The following DTD1 variants were observed in gnomAD, a reference collection of about 807,000 sequenced individuals.
The protein encoded by DTD1 is D-aminoacyl-tRNA deacylase 1, also known as D-tyrosyl-tRNA deacylase 1 homolog.
Under a neutral mutation model 25.6 loss-of-function variants are expected in DTD1, and 13 were observed. That is an observed-to-expected ratio of 0.51 (90% confidence interval 0.33 to 0.81). The LOEUF is 0.81. DTD1 is among the 30% of genes least tolerant of loss of function. The probability of loss-of-function intolerance (pLI) is 0.02; values close to 1 mark genes in which losing one functional copy is unlikely to be tolerated. For missense variants in DTD1, 193 were observed against 266.4 expected, an observed-to-expected ratio of 0.72 and a Z score of 1.92; for synonymous variants, 110 against 103.6, an observed-to-expected ratio of 1.06 and a Z score of -0.37.
chr20:18,709,139 T>C (rs942137067), intron 4 of DTD1, among the ~76,000 whole-genome samples: 3 of 152,206 alleles, frequency 2.0e-5, no homozygotes, highest in African/African-American at 7.2e-5. Flanking sequence ...TCCCAGCCTC[T>C]GTTATAGAAT....
chr20:18,757,278 G>A lies in DTD1; in HGVS notation c.*20-6082G>A, dbSNP rs551401139. On this transcript the variant is annotated intron_variant, in intron 5 of 5. Transcript: ENST00000377452. ...TACCCTTTATTTCCTTCTCTTGCCTGATTGCCCTGGCCAGAACTTTCAACA... is the reference window on the plus strand; with the variant it reads ...TACCCTTTATTTCCTTCTCTTGCCTAATTGCCCTGGCCAGAACTTTCAACA... 1.7e-3 allele frequency among the ~76,000 whole-genome samples: 266 copies of A among 152,258 alleles called. 1 individual carries two copies. The highest frequency in any genetic ancestry group is 0.011 in the South Asian group (52 of 4,830).
intron 4 of DTD1, among the ~76,000 whole-genome samples, chr20:18,726,223 T>A (rs926103099): frequency 2.0e-5 from 3 of 152,230 alleles, no homozygotes; most frequent in Admixed American, 6.5e-5. Context: ...GCATTTATCT[T>A]GATGGTCTGA....
chr20:18,593,608 G>A, intron 1 of DTD1, 123 bp from the exon 2 acceptor site: 1 of 691,050 alleles, frequency 1.4e-6, no homozygotes, highest in East Asian at 2.8e-5. Flanking sequence ...AATACGTACT[G>A]ACTTTAACCA....
At position 18,708,306 on chromosome 20, in the gene DTD1, A is replaced by T. The variant is rs1482155804; in HGVS notation, c.478-35794A>T. Reference sequence around the variant, plus strand: ...TATATTATATATATATAATATATATATTTTATATATATATTATATATATAT... The same window carrying T: ...TATATTATATATATATAATATATATTTTTTATATATATATTATATATATAT... On this transcript the variant is annotated intron_variant, in intron 4 of 5. Transcript: ENST00000377452. 1.0e-3 allele frequency among the ~76,000 whole-genome samples: 49 copies of T among 48,118 alleles called. 4 individuals carry two copies. The highest frequency in any genetic ancestry group is 1.8e-3 in the Non-Finnish European group (45 of 24,786). 31.6% of individuals were successfully genotyped at this position (48,118 alleles called of 152,430 possible). A position where few individuals can be genotyped will look rare whatever the true frequency, so the allele number is the denominator to read the frequency against.
intron 4 of DTD1, among the ~76,000 whole-genome samples, chr20:18,638,710 C>A (rs1794267558): frequency 6.6e-6 from 1 of 152,106 alleles, no homozygotes; most frequent in Admixed American, 6.5e-5. Context: ...TGTTAGTAAG[C>A]CAAAGACCTG....
At chr20:18,633,203 C>T (rs948461305) in intron 4 of DTD1, among the ~76,000 whole-genome samples, 6 of 152,236 alleles carry the variant, frequency 3.9e-5, no homozygotes, top group African/African-American at 1.4e-4. Context: ...GTCCGTGGCC[C>T]TTTCTTGCCT....
intron 4 of DTD1, among the ~76,000 whole-genome samples, chr20:18,700,492 CCTT>C (rs1251145472): frequency 2.3e-5 from 3 of 132,700 alleles, no homozygotes; most frequent in African/African-American, 5.3e-5. Flanking sequence ...ATAGTGGTGA[CCTT>C]TTTTTTTTTT....
At chr20:18,608,029 G>A (rs1427205492) in intron 3 of DTD1, among the ~76,000 whole-genome samples, 1 of 151,970 alleles carries the variant, frequency 6.6e-6, no homozygotes, top group Admixed American at 6.6e-5. Flanking sequence ...ATTTCTTCTT[G>A]TGAGAGTTTT....
intron 4 of DTD1, among the ~76,000 whole-genome samples, chr20:18,712,869 C>T (rs1226604789): frequency 6.6e-6 from 1 of 152,260 alleles, no homozygotes; most frequent in African/African-American, 2.4e-5. Flanking sequence ...CTTTCGTGTA[C>T]AGACTCCCCT....
chr20:18,663,161 G>T (rs2060918077), intron 4 of DTD1, among the ~76,000 whole-genome samples: 1 of 152,054 alleles, frequency 6.6e-6, no homozygotes, highest in Non-Finnish European at 1.5e-5. Context: ...CAAGTTTCAT[G>T]GGATGCCCTA....
intron 3 of DTD1, among the ~76,000 whole-genome samples, chr20:18,611,878 G>T (rs1471930848): frequency 6.6e-6 from 1 of 151,918 alleles, no homozygotes; most frequent in Non-Finnish European, 1.5e-5. Flanking sequence ...TTTTTGAGAC[G>T]GAGTCTTGCT....
intron 3 of DTD1, among the ~76,000 whole-genome samples, chr20:18,598,650 A>C (rs1386716386): frequency 6.7e-6 from 1 of 149,100 alleles, no homozygotes; most frequent in Non-Finnish European, 1.5e-5. Context: ...GACACCAGCC[A>C]CCACACCCGG....
At chr20:18,726,233 A>G (rs2061222002) in intron 4 of DTD1, among the ~76,000 whole-genome samples, 1 of 152,154 alleles carries the variant, frequency 6.6e-6, no homozygotes, top group African/African-American at 2.4e-5. Context: ...TGATGGTCTG[A>G]CCTTCCTAGT....
Position 18,613,588 on chromosome 20 carries a change from C to T in DTD1, c.371-14539C>T, listed in dbSNP as rs951275411. Among the ~76,000 whole-genome samples the T allele has an allele frequency of 2.0e-5, 3 of 152,196 alleles. 1 individual carries two copies. The highest frequency in any genetic ancestry group is 2.0e-4 in the Admixed American group (3 of 15,272). The stretch of plus-strand genomic sequence containing the variant: ...GGCTCTCCTTGTCTGAGAAAACCCA[C>T]CTCTGCTGAGATACAGCCTCTGTGG... On this transcript the variant is annotated intron_variant, in intron 3 of 5. Coordinates refer to ENST00000377452, the MANE Select transcript of DTD1 (RefSeq NM_080820.6).
At chr20:18,753,200 C>G (rs1460303627) in intron 5 of DTD1, among the ~76,000 whole-genome samples, 1 of 152,200 alleles carries the variant, frequency 6.6e-6, no homozygotes, top group African/African-American at 2.4e-5. Flanking sequence ...TCACTAGCTA[C>G]ATACAGCTAG....
chr20:18,600,684 A>G (rs931849814), intron 3 of DTD1, among the ~76,000 whole-genome samples: 1 of 152,192 alleles, frequency 6.6e-6, no homozygotes, highest in African/African-American at 2.4e-5. Context: ...CTGTAGATGA[A>G]GTTGGGAAGA....
At chr20:18,609,459 T>TA (rs2060678022) in intron 3 of DTD1, among the ~76,000 whole-genome samples, 1 of 152,158 alleles carries the variant, frequency 6.6e-6, no homozygotes, top group Non-Finnish European at 1.5e-5. Flanking sequence ...TCCTAATTGT[T>TA]AACTCTTTAG....
chr20:18,746,456 G>T (rs185006357), intron 5 of DTD1, among the ~76,000 whole-genome samples: 2 of 152,232 alleles, frequency 1.3e-5, no homozygotes, highest in Admixed American at 1.3e-4. Flanking sequence ...CTAGCACTTT[G>T]GGAGGTTGAA....
chr20:18,736,522 G>C (rs1415500366), intron 4 of DTD1, among the ~76,000 whole-genome samples: 1 of 152,256 alleles, frequency 6.6e-6, no homozygotes, highest in Admixed American at 6.5e-5. Flanking sequence ...GATGCTATGT[G>C]TGTGAAGGAA....
Sources: allele counts gnomAD v4.1 joint callset (sites outside exome capture counted in the v4.1 genomes callset), GRCh38; gene constraint gnomAD v4.1.1; transcripts MANE v1.5; gene names NCBI Gene and HGNC (gene_info 2026-07-23, HGNC 2026-07-21).